ALPK1: variants seen among roughly 807,000 people sequenced by gnomAD.
ALPK1 encodes alpha kinase 1.
In ALPK1, 110 loss-of-function variants were observed where a neutral mutation model predicts 120.6. The observed-to-expected ratio is 0.91, with a 90% confidence interval of 0.78 to 1.07. ALPK1 has a LOEUF of 1.07. Ranked by LOEUF, ALPK1 falls within the 50% of genes least tolerant of loss-of-function variation. The probability of loss-of-function intolerance (pLI) is 0.00; values close to 1 mark genes in which losing one functional copy is unlikely to be tolerated. For synonymous variants in ALPK1, 582 were observed against 560.3 expected, an observed-to-expected ratio of 1.04 and a Z score of -0.55; for missense variants, 1,498 against 1,483.9, an observed-to-expected ratio of 1.01 and a Z score of -0.16.
rs1311099628 is a variant in ALPK1 at position 112,368,318 on chromosome 4, C to T, written c.-100-9360C>T. Among the ~76,000 whole-genome samples, 4 of 151,986 alleles carry T rather than the reference C, an allele frequency of 2.6e-5. No homozygotes were observed. The South Asian group carries it at 6.2e-4, about 24-fold the overall frequency. On this transcript the variant is annotated intron_variant, in intron 2 of 15. Coordinates refer to ENST00000650871, the MANE Select transcript of ALPK1 (RefSeq NM_025144.4). ...AATTCTTATTCTTAATCTGCTTATGCTTTCTCTATAGCTTATGCTGTTTAT... is the reference window on the plus strand; with the variant it reads ...AATTCTTATTCTTAATCTGCTTATGTTTTCTCTATAGCTTATGCTGTTTAT...
intron 5 of ALPK1, among the ~76,000 whole-genome samples, chr4:112,418,350 G>C (rs1016063776): frequency 1.3e-5 from 2 of 152,210 alleles, no homozygotes; most frequent in African/African-American, 4.8e-5. Flanking sequence ...AGTGCCAGGG[G>C]AAACTGGTCA....
chr4:112,324,336 A>AG (rs1216445721), intron 2 of ALPK1, among the ~76,000 whole-genome samples: 1 of 129,712 alleles, frequency 7.7e-6, no homozygotes, highest in Admixed American at 8.2e-5. Context: ...CAGAAAAAAA[A>AG]AAAAGAAAAA....
At chr4:112,378,787 G>A (rs188566156) in intron 3 of ALPK1, among the ~76,000 whole-genome samples, 3 of 152,314 alleles carry the variant, frequency 2.0e-5, no homozygotes, top group African/African-American at 7.2e-5. Context: ...TTCTGGGAGA[G>A]TCTTTTCTCC....
intron 2 of ALPK1, chr4:112,356,743 A>T: frequency 1.2e-6 from 1 of 828,754 alleles, no homozygotes. Context: ...GCAAGCACGG[A>T]GTATGCCCTT....
At chr4:112,381,894 A>G (rs147569100) in intron 3 of ALPK1, among the ~76,000 whole-genome samples, 10 of 152,180 alleles carry the variant, frequency 6.6e-5, no homozygotes, top group East Asian at 3.8e-4. Context: ...TTCAAATCTG[A>G]TATGTGTTTT....
intron 4 of ALPK1, among the ~76,000 whole-genome samples, chr4:112,398,395 T>C (rs6839605): frequency 0.44 from 66,140 of 151,860 alleles, 14,999 homozygotes; most frequent in African/African-American, 0.59. Context: ...TCTGTTCAAG[T>C]GATCCTCCCA....
chr4:112,356,573 T>G (rs764752759), intron 2 of ALPK1: 18 of 798,116 alleles, frequency 2.3e-5, no homozygotes, highest in Non-Finnish European at 4.0e-5. Context: ...GCATCCACCC[T>G]GAGGTGAAGA....
chr4:112,303,150 T>A (rs1727865165), intron 1 of ALPK1, among the ~76,000 whole-genome samples: 2 of 152,134 alleles, frequency 1.3e-5, no homozygotes, highest in Non-Finnish European at 2.9e-5. Flanking sequence ...TCTGCCCCAT[T>A]ATACATGTTA....
intron 2 of ALPK1, among the ~76,000 whole-genome samples, chr4:112,338,256 G>C (rs747943724): frequency 6.6e-6 from 1 of 152,180 alleles, no homozygotes. Flanking sequence ...GTGAGCCACC[G>C]CGCCCGGCCG....
chr4:112,325,625 G>T (rs147192304), intron 2 of ALPK1, among the ~76,000 whole-genome samples: 3 of 152,114 alleles, frequency 2.0e-5, no homozygotes, highest in African/African-American at 7.2e-5. Flanking sequence ...GCAATCGTAC[G>T]GCGTTTTGTT....
intron 12 of ALPK1, 29 bp downstream of exon 12, chr4:112,435,330 A>G (rs1171313870): frequency 1.3e-6 from 2 of 1,594,598 alleles, no homozygotes; most frequent in Admixed American, 1.8e-5. Context: ...TGTATAACTA[A>G]TGTAAGATGA....
chr4:112,425,562 C>G, intron 6 of ALPK1, 103 bp from the exon 7 acceptor site: 3 of 938,740 alleles, frequency 3.2e-6, no homozygotes, highest in Non-Finnish European at 5.0e-6. Flanking sequence ...GATTGTTTCT[C>G]AAAATGATGT....
chr4:112,431,422 G>T lies in ALPK1; in HGVS notation c.1875G>T (p.Leu625Phe), dbSNP rs139124991. 88 of 1,614,116 alleles carry T rather than the reference G, an allele frequency of 5.5e-5. No individual in the cohort carries two copies. The highest frequency in any genetic ancestry group is 6.9e-5 in the Non-Finnish European group (81 of 1,180,060). ...HLVDTQCSTA[L>F]SEELENDREG... ...TGGACACTCAGTGTTCCACTGCCTT[G>T]TCTGAGGAGCTAGAGAATGACAGGG... Residue 625 changes from leucine to phenylalanine, a missense_variant, in exon 11 of 16, where the codon TTG becomes TTT. Transcript: ENST00000650871.
chr4:112,403,073 C>T (rs1176147014), intron 4 of ALPK1, among the ~76,000 whole-genome samples: 2 of 152,020 alleles, frequency 1.3e-5, no homozygotes, highest in East Asian at 3.9e-4. Flanking sequence ...GAGAGGGGCT[C>T]TCTTTCATGG....
chr4:112,430,067 A>G (rs1200704604), intron 10 of ALPK1, among the ~76,000 whole-genome samples: 1 of 152,204 alleles, frequency 6.6e-6, no homozygotes, highest in African/African-American at 2.4e-5. Context: ...ATGTATTCAT[A>G]TATGGCATCC....
chr4:112,365,665 C>G (rs980487247), intron 2 of ALPK1, among the ~76,000 whole-genome samples: 1 of 152,030 alleles, frequency 6.6e-6, no homozygotes, highest in African/African-American at 2.4e-5. Flanking sequence ...CAATTCCCAT[C>G]AAAATACTGC....
At chr4:112,360,409 A>G (rs188558074) in intron 2 of ALPK1, among the ~76,000 whole-genome samples, 7 of 152,310 alleles carry the variant, frequency 4.6e-5, no homozygotes, top group Non-Finnish European at 1.0e-4. Flanking sequence ...AATCTCTTCT[A>G]TGCATTGTTG....
At chr4:112,333,028 T>C (rs1177638301) in intron 2 of ALPK1, among the ~76,000 whole-genome samples, 1 of 152,230 alleles carries the variant, frequency 6.6e-6, no homozygotes, top group Non-Finnish European at 1.5e-5. Context: ...AACTCAGTTC[T>C]GGGAAGTAAG....
chr4:112,390,901 C>A (rs546988504), intron 4 of ALPK1, among the ~76,000 whole-genome samples: 1 of 152,232 alleles, frequency 6.6e-6, no homozygotes, highest in South Asian at 2.1e-4. Context: ...GTTTGGGGAG[C>A]ACACTGAACT....
Sources: allele counts gnomAD v4.1 joint callset (sites outside exome capture counted in the v4.1 genomes callset), GRCh38; gene constraint gnomAD v4.1.1; transcripts MANE v1.5; gene names NCBI Gene and HGNC (gene_info 2026-07-23, HGNC 2026-07-21).